The following CNTNAP2 variants were observed in gnomAD, a reference collection of about 807,000 sequenced individuals.
CNTNAP2 encodes the protein contactin-associated protein-like 2.
A neutral mutation model predicts 155.2 loss-of-function variants in CNTNAP2; 98 were observed. The observed-to-expected ratio is 0.63, with a 90% CI of 0.54 to 0.75. CNTNAP2 has a LOEUF of 0.75. Ranked by LOEUF, CNTNAP2 falls within the 30% of genes least tolerant of loss-of-function variation. CNTNAP2 has a pLI of 0.00. For missense variants in CNTNAP2, 1,727 were observed against 1,688.1 expected (o/e 1.02, Z -0.40); for synonymous variants, 651 against 631.2 (o/e 1.03, Z -0.47).
chr7:146,661,351 CG>C (rs1233041162), intron 1 of CNTNAP2, among the ~76,000 whole-genome samples: 1 of 151,838 alleles, frequency 6.6e-6, no homozygotes, highest in Non-Finnish European at 1.5e-5. Context: ...TTCATGTGTA[CG>C]GTTCTACGAA....
At chr7:146,422,349 G>GTA (rs1446005060) in intron 1 of CNTNAP2, among the ~76,000 whole-genome samples, 4 of 143,026 alleles carry the variant, frequency 2.8e-5, no homozygotes, top group African/African-American at 8.6e-5. Context: ...ATATGTATGT[G>GTA]TATATATATG....
chr7:146,342,086 A>G (rs1408151941), intron 1 of CNTNAP2, among the ~76,000 whole-genome samples: 2 of 152,150 alleles, frequency 1.3e-5, no homozygotes, highest in African/African-American at 4.8e-5. Context: ...AATCATGGTC[A>G]CGGAGGTTGA....
At position 147,548,887 on chromosome 7, in the gene CNTNAP2, G is replaced by A. The variant is rs139645854; in HGVS notation, c.1778-13251G>A. Among the ~76,000 whole-genome samples the A allele has an allele frequency of 3.8e-3, 572 of 152,212 alleles. 3 individuals are homozygous for A. Among genetic ancestry groups the A allele is most frequent in the African/African-American group, 0.013 (534 of 41,534 alleles). ...GATCGTTTCCCCATTGCTTGTTTTT[G>A]TCGCATTTGTCAAAGAGCAGATGCT... On this transcript the variant is annotated intron_variant, in intron 11 of 23. Transcript: ENST00000361727.
intron 22 of CNTNAP2, among the ~76,000 whole-genome samples, chr7:148,391,088 C>T (rs889094669): frequency 6.6e-6 from 1 of 151,870 alleles, no homozygotes; most frequent in Non-Finnish European, 1.5e-5. Flanking sequence ...GGTTCTGGCA[C>T]GCTTTTAACA....
intron 14 of CNTNAP2, among the ~76,000 whole-genome samples, chr7:147,948,625 A>G (rs1472967800): frequency 2.1e-5 from 3 of 144,096 alleles, no homozygotes; most frequent in African/African-American, 7.8e-5. Context: ...ATACATATAT[A>G]TTTACACACA....
At chr7:146,666,486 C>G (rs906568863) in intron 1 of CNTNAP2, among the ~76,000 whole-genome samples, 5 of 152,090 alleles carry the variant, frequency 3.3e-5, no homozygotes, top group African/African-American at 1.2e-4. Context: ...TTTTGATATA[C>G]TCATTTCATC....
chr7:147,119,711 G>A (rs1801062784), intron 5 of CNTNAP2, among the ~76,000 whole-genome samples: 1 of 151,844 alleles, frequency 6.6e-6, no homozygotes, highest in Non-Finnish European at 1.5e-5. Flanking sequence ...TACAAAGGGA[G>A]AAAGGAAGGA....
chr7:148,289,433 C>T (rs1330097305), intron 21 of CNTNAP2, among the ~76,000 whole-genome samples: 2 of 152,176 alleles, frequency 1.3e-5, no homozygotes, highest in Admixed American at 1.3e-4. Context: ...CAGATTTGTC[C>T]TCCCAGGGTG....
intron 13 of CNTNAP2, among the ~76,000 whole-genome samples, chr7:147,651,464 C>T (rs894831257): frequency 3.3e-5 from 5 of 152,234 alleles, no homozygotes; most frequent in Non-Finnish European, 5.9e-5. Flanking sequence ...CCGACCATCA[C>T]AGTCAACAAA....
chr7:147,421,857 C>G (rs970424020), intron 10 of CNTNAP2, among the ~76,000 whole-genome samples: 2 of 151,948 alleles, frequency 1.3e-5, no homozygotes, highest in Non-Finnish European at 2.9e-5. Context: ...CCCCTCAACT[C>G]TCTCTCCTGC....
At chr7:146,167,478 ATAT>A (rs1431409000) in intron 1 of CNTNAP2, among the ~76,000 whole-genome samples, 5 of 152,220 alleles carry the variant, frequency 3.3e-5, no homozygotes, top group Non-Finnish European at 7.3e-5. Context: ...CAGGTGAGAA[ATAT>A]TATAGGATTG....
rs568551915 is a variant in CNTNAP2 at position 147,685,612 on chromosome 7, A to T, written c.2098+46306A>T. 5.7e-4 allele frequency among the ~76,000 whole-genome samples: 87 copies of T among 152,136 alleles called. 3 individuals carry two copies. In the South Asian group the frequency reaches 0.017, roughly 30 times the overall value. ...AGATAACACAGTGAAAAAAAAACAG[A>T]TGACAAATCGTCACCTTCTAAAGCT... is the stretch of plus-strand genomic sequence containing the variant. On this transcript the variant is annotated intron_variant, in intron 13 of 23. Coordinates refer to ENST00000361727, the MANE Select transcript of CNTNAP2 (RefSeq NM_014141.6).
chr7:147,590,509 T>C (rs147811563), intron 12 of CNTNAP2, among the ~76,000 whole-genome samples: 243 of 152,290 alleles, frequency 1.6e-3, no homozygotes, highest in African/African-American at 5.6e-3. Flanking sequence ...TGATTATAAG[T>C]TTCCTGAGGC....
chr7:147,372,562 G>A (rs1230081088), intron 9 of CNTNAP2, among the ~76,000 whole-genome samples: 1 of 151,926 alleles, frequency 6.6e-6, no homozygotes, highest in Non-Finnish European at 1.5e-5. Flanking sequence ...CTGTAATTTA[G>A]TAAGTAATTC....
At chr7:147,257,772 G>A (rs912122219) in intron 8 of CNTNAP2, among the ~76,000 whole-genome samples, 4 of 152,188 alleles carry the variant, frequency 2.6e-5, no homozygotes, top group African/African-American at 9.7e-5. Flanking sequence ...AAAACTTTAA[G>A]TGAGATGACT....
chr7:146,142,301 G>A (rs917873849), intron 1 of CNTNAP2, among the ~76,000 whole-genome samples: 2 of 152,102 alleles, frequency 1.3e-5, no homozygotes, highest in African/African-American at 2.4e-5. Flanking sequence ...TTTCCTCTGG[G>A]GAGACACTGT....
At chr7:146,254,090 A>G (rs1799799332) in intron 1 of CNTNAP2, among the ~76,000 whole-genome samples, 1 of 151,454 alleles carries the variant, frequency 6.6e-6, no homozygotes, top group African/African-American at 2.4e-5. Flanking sequence ...ACAAAAAGCA[A>G]AGTCAAGATT....
chr7:147,712,661 G>T (rs956436493), intron 13 of CNTNAP2, among the ~76,000 whole-genome samples: 6 of 152,046 alleles, frequency 3.9e-5, no homozygotes, highest in Admixed American at 1.3e-4. Context: ...ACCAAACACC[G>T]CATGTTCTCA....
intron 1 of CNTNAP2, among the ~76,000 whole-genome samples, chr7:146,321,525 T>C (rs1380635048): frequency 6.6e-6 from 1 of 152,116 alleles, no homozygotes; most frequent in African/African-American, 2.4e-5. Context: ...TGAATTACCT[T>C]TTGAAGCACT....
Sources: gnomAD v4.1 joint callset for allele counts (sites outside exome capture counted in the v4.1 genomes callset) on GRCh38, gnomAD v4.1.1 for gene constraint, MANE v1.5 for transcripts, NCBI Gene and HGNC (gene_info 2026-07-23, HGNC 2026-07-21) for gene names.